AKNA: variants seen among roughly 807,000 people sequenced by gnomAD.
AKNA encodes the protein microtubule organization protein AKNA.
A neutral mutation model predicts 138.8 loss-of-function variants in AKNA; 67 were observed. The ratio of observed to expected loss-of-function variants is 0.48; its 90% CI spans 0.40 to 0.59. The LOEUF (loss-of-function observed/expected upper bound fraction) is 0.59. Ranked by LOEUF, AKNA falls within the 20% of genes least tolerant of loss-of-function variation. The probability of loss-of-function intolerance (pLI) is 0.00; values close to 1 mark genes in which losing one functional copy is unlikely to be tolerated. For missense variants in AKNA, 1,813 were observed against 1,880.4 expected (o/e 0.96, Z 0.66); for synonymous variants, 737 against 754.4 (o/e 0.98, Z 0.38).
rs1019772214 is a variant in AKNA at position 114,348,048 on chromosome 9, T to G, written c.3222-148A>C. On this transcript the variant is annotated intron_variant, in intron 15 of 21. Transcript: ENST00000374088. Reference sequence around the variant, plus strand: ...CTGTCAAACGATTCTAGAACTTTCCTGTGCGACACTTTTCTTGCTACACAA... The same window carrying G: ...CTGTCAAACGATTCTAGAACTTTCCGGTGCGACACTTTTCTTGCTACACAA... 9.4e-6 allele frequency: 8 copies of G among 849,792 alleles called. No homozygotes were observed. In the African/African-American group the frequency reaches 1.4e-4, roughly 15 times the overall value. 52.6% of individuals were successfully genotyped at this position (849,792 alleles called of 1,614,324 possible).
chr9:114,347,687 C>A (rs1444313847), intron 16 of AKNA, 37 bp downstream of exon 16: 1 of 1,478,564 alleles, frequency 6.8e-7, no homozygotes, highest in East Asian at 2.6e-5. Context: ...TCTGTAGCTG[C>A]CACCAGGACA....
At chr9:114,385,435 A>G (rs903064609) in intron 1 of AKNA, among the ~76,000 whole-genome samples, 1 of 152,216 alleles carries the variant, frequency 6.6e-6, no homozygotes, top group African/African-American at 2.4e-5. Flanking sequence ...AGAAGAGGCT[A>G]CAATTTAGCT....
chr9:114,394,065 C>T lies in AKNA; in HGVS notation c.-114+292G>A, dbSNP rs10982196. ...ACGTGCACCTGTAATCCCAGCTACT[C>T]GGGAGACTGAGGCAGGAGAACTGCC... On this transcript the variant is annotated intron_variant, in intron 1 of 21. Transcript: ENST00000307564. 2.6e-3 allele frequency among the ~76,000 whole-genome samples: 397 copies of T among 151,978 alleles called. 12 individuals are homozygous for T. In the East Asian group the frequency reaches 0.036, roughly 14 times the overall value.
chr9:114,349,976 T>C (rs1485427587), intron 15 of AKNA, among the ~76,000 whole-genome samples: 1 of 152,196 alleles, frequency 6.6e-6, no homozygotes, highest in African/African-American at 2.4e-5. Flanking sequence ...TTCGCTGTGC[T>C]CCCACAGTCC....
At position 114,381,309 on chromosome 9, in the gene AKNA, G is replaced by A. The variant is rs140540561; in HGVS notation, c.25C>T (p.Arg9Cys). The A allele has an allele frequency of 4.7e-5, 76 of 1,604,382 alleles. No individual in the cohort carries two copies. The highest frequency in any genetic ancestry group is 8.6e-5 in the Admixed American group (5 of 58,398). MASSETEI[R>C]WAEPGLGKGP... Reference sequence around the variant, plus strand: ...TTCCCCAGGCCAGGCTCAGCCCAGCGGATCTCAGTCTCCGAGCTGGCCATT... The same window carrying A: ...TTCCCCAGGCCAGGCTCAGCCCAGCAGATCTCAGTCTCCGAGCTGGCCATT... The change falls in exon 2 of 22, where the codon CGC becomes TGC. Residue 9 changes from arginine to cysteine, a missense_variant. Physicochemically the swap from Arg to Cys is radical, Grantham distance 180. Coordinates refer to ENST00000374088, the MANE Select transcript of AKNA (RefSeq NM_001317950.2).
At chr9:114,353,368 A>T (rs1831268755) in intron 14 of AKNA, among the ~76,000 whole-genome samples, 1 of 151,952 alleles carries the variant, frequency 6.6e-6, no homozygotes, top group South Asian at 2.1e-4. Context: ...GGTTTAAGCC[A>T]TTCTCCTGCC....
At chr9:114,341,333 A>C (rs554723981) in intron 21 of AKNA, among the ~76,000 whole-genome samples, 200 bp downstream of exon 21, 108 of 152,194 alleles carry the variant, frequency 7.1e-4, no homozygotes, top group African/African-American at 2.1e-3. Context: ...TCCTTGGTAC[A>C]TGGGTTTGTT....
At chr9:114,340,171 T>C (rs1830244289) in intron 21 of AKNA, among the ~76,000 whole-genome samples, 1 of 152,180 alleles carries the variant, frequency 6.6e-6, no homozygotes, top group South Asian at 2.1e-4. Context: ...GGACCAGGGC[T>C]GGATGGCGCC....
chr9:114,376,449 C>A lies in AKNA; in HGVS notation c.1341+17G>T. On this transcript the variant is annotated intron_variant, in intron 3 of 21. Transcript: ENST00000374088. ...AGGGGCCTTGGTGACACATCCACAG[C>A]CATGAGTCCCACTAACCTGGAGCTG... 1 of 1,613,598 alleles carries A rather than the reference C, an allele frequency of 6.2e-7. No homozygotes were observed.
At chr9:114,337,340 G>A in intron 21 of AKNA, 34 bp from the exon 22 acceptor site, 2 of 1,401,052 alleles carry the variant, frequency 1.4e-6, no homozygotes, top group South Asian at 1.8e-5. Context: ...CGTTACACAT[G>A]GGGAGGGCTG....
rs971187707 is a variant in AKNA at position 114,352,596 on chromosome 9, CA to C, written c.3059-1576del. Among the ~76,000 whole-genome samples, 73 of 138,740 alleles carry C rather than the reference CA, an allele frequency of 5.3e-4. No homozygotes were observed. In the South Asian group the frequency reaches 6.9e-3, roughly 13 times the overall value. The allele number at this position is 138,740 out of a possible 152,430, so 91.0% of individuals were successfully genotyped here. ...TGGGGGACAGAGTGAGACTCCATCTCAAAAAAAAAAAGTTTAATTAAAAACG... is the reference window on the plus strand; with the variant it reads ...TGGGGGACAGAGTGAGACTCCATCTCAAAAAAAAAAGTTTAATTAAAAACG... On this transcript the variant is annotated intron_variant, in intron 14 of 21. Transcript: ENST00000374088.
At position 114,350,859 on chromosome 9, in the gene AKNA, T is replaced by C. The variant is rs758165674; in HGVS notation, c.3221A>G (p.Asp1074Gly). The C allele has an allele frequency of 2.6e-6, 4 of 1,553,118 alleles. No individual in the cohort carries two copies. The South Asian group carries it at 4.9e-5, about 19-fold the overall frequency. The change falls in exon 15 of 22, where the codon GAC becomes GGC. Residue 1074 changes from aspartate (D) to glycine (G), a missense_variant and splice_region_variant. Transcript: ENST00000374088. ...PSFLLTRAGRDQAICELQEEV... is the reference protein window; with the variant it reads ...PSFLLTRAGRGQAICELQEEV... The stretch of plus-strand genomic sequence containing the variant: ...CCCAGGATCCAAGTGTCTAACTTAC[T>C]CTCGCCCTGCCCTGGTGAGCAGGAA...
chr9:114,351,209 T>C (rs1040464401), intron 14 of AKNA, among the ~76,000 whole-genome samples, 188 bp from the exon 15 acceptor site: 11 of 151,978 alleles, frequency 7.2e-5, no homozygotes, highest in African/African-American at 2.2e-4. Context: ...TTGCTGGGAG[T>C]GTGGGGTGCT....
At position 114,381,067 on chromosome 9, in the gene AKNA, C is replaced by T. The variant is rs1221005588; in HGVS notation, c.267G>A (p.Ser89=). The T allele has an allele frequency of 1.4e-5, 22 of 1,547,674 alleles. No homozygotes were observed. Among genetic ancestry groups the T allele is most frequent in the Admixed American group, 7.5e-5 (4 of 53,558 alleles). ...GAGGGGTGTCAGTCTCACCTTCTCC[C>T]GAAGTCTCTCCTGACTCGGAATCCT... The part of the protein sequence containing the change: ...GHQDSESGET[S]GEEAEAEDVD... The change falls in exon 2 of 22, where the codon TCG becomes TCA. Residue 89 remains serine, a synonymous_variant. Coordinates refer to ENST00000374088, the MANE Select transcript of AKNA (RefSeq NM_001317950.2).
At chr9:114,389,874 G>A (rs192486040), upstream of AKNA, among the ~76,000 whole-genome samples, 135 of 152,174 alleles carry the variant, frequency 8.9e-4, no homozygotes, top group South Asian at 8.3e-4. Flanking sequence ...CCTGGTAATC[G>A]CCCACCCCTC....
upstream of AKNA, among the ~76,000 whole-genome samples, chr9:114,395,974 G>A (rs944022125): frequency 1.9e-4 from 29 of 152,058 alleles, no homozygotes; most frequent in Non-Finnish European, 3.4e-4. Context: ...TGTGACTCTC[G>A]TCAAGTGGCT....
chr9:114,330,611 G>C (rs1829835251), downstream of AKNA: 6 of 1,609,720 alleles, frequency 3.7e-6, no homozygotes, highest in Non-Finnish European at 5.1e-6. Context: ...CCCCATCTCA[G>C]CTTCTGGCCA....
At chr9:114,360,184 A>AGCCCACCACCCTTTTATGTATGTG in intron 9 of AKNA, 122 bp from the exon 10 acceptor site, 1 of 1,158,126 alleles carries the variant, frequency 8.6e-7, no homozygotes, top group Non-Finnish European at 1.2e-6. Context: ...AGACTCACTA[A>AGCCCACCACCCTTTTATGTATGTG]GCCCACCACC....
chr9:114,381,533 G>T, intron 1 of AKNA, 87 bp from the exon 2 acceptor site: 1 of 1,246,464 alleles, frequency 8.0e-7, no homozygotes, highest in Non-Finnish European at 1.0e-6. Context: ...AGGAACTCTG[G>T]AATTAGCCCC....
Sources: gnomAD v4.1 joint callset for allele counts (sites outside exome capture counted in the v4.1 genomes callset) on GRCh38, gnomAD v4.1.1 for gene constraint, MANE v1.5 for transcripts, NCBI Gene and HGNC (gene_info 2026-07-23, HGNC 2026-07-21) for gene names.